The following PLCB4 variants were observed in gnomAD, a reference collection of about 807,000 sequenced individuals.
PLCB4 encodes the protein 1-phosphatidylinositol 4,5-bisphosphate phosphodiesterase beta-4.
Under a neutral mutation model 178.8 loss-of-function variants are expected in PLCB4, and 77 were observed. That is an observed-to-expected ratio of 0.43 (90% confidence interval 0.36 to 0.52). The LOEUF (loss-of-function observed/expected upper bound fraction) is 0.52. Among genes scored for constraint, PLCB4 ranks in the 20% least tolerant of loss-of-function variants. PLCB4 has a pLI of 0.00. For missense variants in PLCB4, 1,024 were observed against 1,453.4 expected (o/e 0.70, Z 4.80); for synonymous variants, 496 against 490.8 (o/e 1.01, Z -0.14).
chr20:9,087,236 G>T (rs887812410), intron 1 of PLCB4, among the ~76,000 whole-genome samples: 1 of 152,128 alleles, frequency 6.6e-6, no homozygotes, highest in African/African-American at 2.4e-5. Context: ...TTTGCATTTT[G>T]ATATTTCTAT....
At chr20:9,469,285 A>T (rs1192558822) in intron 36 of PLCB4, among the ~76,000 whole-genome samples, 1 of 152,166 alleles carries the variant, frequency 6.6e-6, no homozygotes, top group African/African-American at 2.4e-5. Flanking sequence ...CCAGCCTATA[A>T]TCAATATAAT....
intron 2 of PLCB4, among the ~76,000 whole-genome samples, chr20:9,213,319 A>G (rs1601193618): frequency 7.0e-6 from 1 of 141,902 alleles, no homozygotes; most frequent in East Asian, 2.0e-4. Flanking sequence ...TAATTTTTGT[A>G]CTTTTAGTAG....
At chr20:9,139,991 G>A (rs148278071) in intron 2 of PLCB4, among the ~76,000 whole-genome samples, 41 of 152,216 alleles carry the variant, frequency 2.7e-4, no homozygotes, top group Non-Finnish European at 5.4e-4. Context: ...GTTCCTCTGA[G>A]GCTTGAGATA....
At chr20:9,462,260 G>A (rs143694104) in intron 35 of PLCB4, among the ~76,000 whole-genome samples, 7 of 152,222 alleles carry the variant, frequency 4.6e-5, no homozygotes, top group African/African-American at 1.7e-4. Context: ...CCATCTGTAG[G>A]TCACCAACAT....
At chr20:9,376,064 G>A (rs967106429) in intron 12 of PLCB4, among the ~76,000 whole-genome samples, 1 of 151,984 alleles carries the variant, frequency 6.6e-6, no homozygotes, top group South Asian at 2.1e-4. Context: ...TGGTCACCCT[G>A]TAGGGTGACC....
intron 7 of PLCB4, among the ~76,000 whole-genome samples, chr20:9,356,248 G>A (rs1274737036): frequency 6.6e-6 from 1 of 152,044 alleles, no homozygotes; most frequent in African/African-American, 2.4e-5. Flanking sequence ...TAGGTTGCCT[G>A]TTCACTCTGA....
At chr20:9,366,965 C>G (rs1043590681) in intron 9 of PLCB4, among the ~76,000 whole-genome samples, 1 of 152,222 alleles carries the variant, frequency 6.6e-6, no homozygotes, top group Non-Finnish European at 1.5e-5. Flanking sequence ...TCACCGAGTG[C>G]GTAGCATCTG....
chr20:9,284,157 C>A (rs2094517656), intron 3 of PLCB4, among the ~76,000 whole-genome samples: 1 of 151,912 alleles, frequency 6.6e-6, no homozygotes, highest in South Asian at 2.1e-4. Flanking sequence ...TAGGAGGTAA[C>A]AAGAAAGAGA....
intron 3 of PLCB4, among the ~76,000 whole-genome samples, 160 bp downstream of exon 3, chr20:9,217,612 G>T (rs553159668): frequency 4.9e-4 from 74 of 152,282 alleles, no homozygotes; most frequent in African/African-American, 1.5e-3. Context: ...CATTAAGCAG[G>T]ATCTCCCAGC....
chr20:9,187,396 T>A (rs2093343984), intron 2 of PLCB4, among the ~76,000 whole-genome samples: 1 of 152,202 alleles, frequency 6.6e-6, no homozygotes, highest in African/African-American at 2.4e-5. Context: ...CTAATGACAC[T>A]GTCTGTGTAC....
chr20:9,423,626 TG>T, intron 27 of PLCB4, 121 bp from the exon 28 acceptor site: 1 of 738,278 alleles, frequency 1.4e-6, no homozygotes, highest in Non-Finnish European at 2.3e-6. Flanking sequence ...AGATGGATCA[TG>T]GACTTACTTT....
chr20:9,471,923 C>T (rs1285716881), intron 36 of PLCB4, among the ~76,000 whole-genome samples: 1 of 152,196 alleles, frequency 6.6e-6, no homozygotes, highest in Non-Finnish European at 1.5e-5. Context: ...CACCATACTT[C>T]ATCCACTCAT....
intron 28 of PLCB4, among the ~76,000 whole-genome samples, chr20:9,434,338 A>T (rs1164485846): frequency 6.6e-6 from 1 of 152,080 alleles, no homozygotes; most frequent in Non-Finnish European, 1.5e-5. Flanking sequence ...ATATATTTGA[A>T]TGTTTACCAT....
At chr20:9,406,600 A>G (rs1176303903) in intron 21 of PLCB4, among the ~76,000 whole-genome samples, 2 of 151,096 alleles carry the variant, frequency 1.3e-5, no homozygotes, top group Non-Finnish European at 2.9e-5. Flanking sequence ...TTCATTCGCC[A>G]TTCTCCTGCC....
chr20:9,408,864 G>C (rs2039656497), intron 23 of PLCB4, 147 bp downstream of exon 23: 1 of 699,898 alleles, frequency 1.4e-6, no homozygotes, highest in Non-Finnish European at 2.5e-6. Context: ...GTGACAATCT[G>C]CCCAAATGAA....
At chr20:9,193,047 C>T (rs545244861) in intron 2 of PLCB4, among the ~76,000 whole-genome samples, 1 of 152,244 alleles carries the variant, frequency 6.6e-6, no homozygotes, top group Non-Finnish European at 1.5e-5. Flanking sequence ...AGCAGCATTG[C>T]CAAGGTGAAA....
In PLCB4 at chr20:9,236,960, A is replaced by G. The variant is rs535125181; in HGVS notation, c.-16+19508A>G. Reference sequence around the variant, plus strand: ...GAACACATAGGACATCATGACACCTATGTGATAGGTTTTATTCTAATAACT... The same window carrying G: ...GAACACATAGGACATCATGACACCTGTGTGATAGGTTTTATTCTAATAACT... On this transcript the variant is annotated intron_variant, in intron 3 of 39. Transcript: ENST00000378473. 4.1e-4 allele frequency among the ~76,000 whole-genome samples: 63 copies of G among 152,304 alleles called. 1 individual carries two copies. Among genetic ancestry groups the G allele is most frequent in the Non-Finnish European group, 7.2e-4 (49 of 68,032 alleles).
At chr20:9,148,021 G>T (rs1290624883) in intron 2 of PLCB4, among the ~76,000 whole-genome samples, 5 of 152,164 alleles carry the variant, frequency 3.3e-5, no homozygotes, top group Non-Finnish European at 7.3e-5. Context: ...ACAAATAGAT[G>T]TCTGAGCCAT....
chr20:9,472,912 C>A, intron 37 of PLCB4, 65 bp downstream of exon 37: 1 of 867,866 alleles, frequency 1.2e-6, no homozygotes, highest in Non-Finnish European at 1.9e-6. Context: ...ACATGCTTAG[C>A]CACCAGATCT....
Sources: gnomAD v4.1 joint callset for allele counts (sites outside exome capture counted in the v4.1 genomes callset) on GRCh38, gnomAD v4.1.1 for gene constraint, MANE v1.5 for transcripts, NCBI Gene and HGNC (gene_info 2026-07-23, HGNC 2026-07-21) for gene names.